TXLNA: variants seen among roughly 807,000 people sequenced by gnomAD.
TXLNA encodes the protein taxilin alpha.
TXLNA carries 9 observed loss-of-function variants against 61.4 expected under a neutral mutation model. That is an observed-to-expected ratio of 0.15 (90% CI 0.09 to 0.26). The LOEUF is 0.26. Among genes scored for constraint, TXLNA ranks in the 10% least tolerant of loss-of-function variants. The pLI is 1.00. For synonymous variants in TXLNA, 257 were observed against 267.7 expected, an observed-to-expected ratio of 0.96 and a Z score of 0.39; for missense variants, 565 against 688.8, an observed-to-expected ratio of 0.82 and a Z score of 2.01.
Position 32,181,271 on chromosome 1 carries a change from G to T in TXLNA, c.199G>T (p.Ala67Ser). 1 of 1,607,174 alleles carries T rather than the reference G, an allele frequency of 6.2e-7. No homozygotes were observed. ...GAQARTAQSG[A>S]LRDVSEELSR... Reference sequence around the variant, plus strand: ...TCAAGCCAGAACGGCTCAGTCTGGGGCCCTTCGTGATGTCTCTGAGGAGCT... The same window carrying T: ...TCAAGCCAGAACGGCTCAGTCTGGGTCCCTTCGTGATGTCTCTGAGGAGCT... Residue 67 changes from alanine to serine, a missense_variant, in exon 3 of 11, where the codon GCC (alanine) becomes TCC (serine). Physicochemically the swap from Ala to Ser is moderately conservative, Grantham distance 99. Transcript: ENST00000373610.
chr1:32,183,033 C>T (rs1642700510), intron 3 of TXLNA, among the ~76,000 whole-genome samples: 1 of 149,930 alleles, frequency 6.7e-6, no homozygotes, highest in Non-Finnish European at 1.5e-5. Flanking sequence ...TGCCATTGCA[C>T]TCCAGCCTGG....
intron 6 of TXLNA, among the ~76,000 whole-genome samples, chr1:32,191,093 C>CAAAAAAAAAAAAA (rs1159645218): frequency 1.7e-5 from 1 of 58,672 alleles, no homozygotes; most frequent in African/African-American, 6.5e-5. Flanking sequence ...GACTCCATCT[C>CAAAAAAAAAAAAA]AAAAAAAAAA....
Position 32,193,287 on chromosome 1 carries a change from A to G in TXLNA, c.1238A>G (p.Gln413Arg). The G allele has an allele frequency of 1.2e-6, 2 of 1,613,172 alleles. No homozygotes were observed. Among genetic ancestry groups the G allele is most frequent in the Non-Finnish European group, 1.7e-6 (2 of 1,179,406 alleles). The stretch of plus-strand genomic sequence containing the variant: ...AGCGAGGTATTCACCACATTCAAGC[A>G]GGAGATGGAAAAGGTAACTGTGGTC... Reference protein sequence around the residue: ...KSSEVFTTFKQEMEKMTKKIK... With the variant: ...KSSEVFTTFKREMEKMTKKIK... The change falls in exon 9 of 11, where the codon CAG (glutamine) becomes CGG (arginine). Residue 413 changes from glutamine to arginine, a missense_variant. Around this residue, in one of 2 missense-constraint regions of TXLNA, gnomAD observed 373 missense variants for 504.0 expected, o/e 0.74. Coordinates refer to ENST00000373610, the MANE Select transcript of TXLNA (RefSeq NM_175852.4).
Position 32,184,570 on chromosome 1 carries a change from C to A in TXLNA, c.551C>A (p.Thr184Asn), listed in dbSNP as rs989291519. The change falls in exon 4 of 11, where the codon ACC becomes AAC. Residue 184 changes from threonine to asparagine, a missense_variant. Physicochemically the swap from Thr to Asn is moderately conservative, Grantham distance 65 (BLOSUM62 0). Coordinates refer to ENST00000373610, the MANE Select transcript of TXLNA (RefSeq NM_175852.4). ...ATGCAGACATTGAATACTCTGAGTA[C>A]CCCAGAGGAGAAGCTGGCTGCTCTG... ...LLMQTLNTLS[T>N]PEEKLAALCK... is the part of the protein sequence containing the mutation. 7.4e-6 allele frequency: 12 copies of A among 1,613,586 alleles called. No individual in the cohort carries two copies. The highest frequency in any genetic ancestry group is 5.0e-5 in the Admixed American group (3 of 59,984).
intron 3 of TXLNA, among the ~76,000 whole-genome samples, chr1:32,184,150 G>T (rs1262456867): frequency 1.3e-5 from 2 of 152,170 alleles, no homozygotes; most frequent in Non-Finnish European, 1.5e-5. Context: ...CTATCAGGAG[G>T]GTGGGCCTTC....
chr1:32,194,630 T>G (rs183033876), intron 10 of TXLNA, among the ~76,000 whole-genome samples: 57 of 152,272 alleles, frequency 3.7e-4, no homozygotes, highest in Admixed American at 2.6e-3. Flanking sequence ...AGTCCTGTTT[T>G]ATAGATGAGA....
Position 32,194,929 on chromosome 1 carries a change from G to T in TXLNA, c.1375G>T (p.Gly459Cys). 6.2e-7 allele frequency: 1 copy of T among 1,613,470 alleles called. No individual in the cohort carries two copies. Among genetic ancestry groups the T allele is most frequent in the Non-Finnish European group, 8.5e-7 (1 of 1,179,738 alleles). The change falls in exon 11 of 11, where the codon GGC becomes TGC. Residue 459 changes from glycine to cysteine, a missense_variant. Transcript: ENST00000373610. ...EKTVRDKELEGLQVKIQRLEK... is the reference protein window; with the variant it reads ...EKTVRDKELECLQVKIQRLEK... The stretch of plus-strand genomic sequence containing the variant: ...AACAGTCCGGGATAAAGAACTGGAG[G>T]GCCTGCAGGTAAAAATCCAACGGCT...
Position 32,195,253 on chromosome 1 carries a change from A to G in TXLNA, c.*58A>G. ...GCGGCAGCCCAGCCAGGCCTGGCCCATAAAAGGCTCCCATGCTGAGCAGCC... is the reference window on the plus strand; with the variant it reads ...GCGGCAGCCCAGCCAGGCCTGGCCCGTAAAAGGCTCCCATGCTGAGCAGCC... On this transcript the variant is annotated 3_prime_UTR_variant, in exon 11 of 11. Coordinates refer to ENST00000373610, the MANE Select transcript of TXLNA (RefSeq NM_175852.4). 2.0e-6 allele frequency: 3 copies of G among 1,502,548 alleles called. No homozygotes were observed. The highest frequency in any genetic ancestry group is 2.7e-6 in the Non-Finnish European group (3 of 1,126,350). 93.1% of individuals were successfully genotyped at this position (1,502,548 alleles called of 1,614,324 possible).
chr1:32,184,199 A>G (rs886966390), intron 3 of TXLNA, among the ~76,000 whole-genome samples: 1 of 152,214 alleles, frequency 6.6e-6, no homozygotes, highest in Non-Finnish European at 1.5e-5. Flanking sequence ...CCCTGAATTC[A>G]TAAGTGGGAC....
Position 32,195,589 on chromosome 1 carries a change from G to A in TXLNA, c.*394G>A, listed in dbSNP as rs1364454283. ...CCCCTCCCTGCCCTTCAGAGCTCAAGACAAGTAATACACCCAGGTCTTGAC... is the reference window on the plus strand; with the variant it reads ...CCCCTCCCTGCCCTTCAGAGCTCAAAACAAGTAATACACCCAGGTCTTGAC... On this transcript the variant is annotated 3_prime_UTR_variant, in exon 11 of 11. Transcript: ENST00000373610. 2 of 392,518 alleles carry A rather than the reference G, an allele frequency of 5.1e-6. No homozygotes were observed. Among genetic ancestry groups the A allele is most frequent in the Admixed American group, 7.1e-5 (2 of 28,012 alleles). The allele number at this position is 392,518 out of a possible 1,614,324, so 24.3% of individuals were successfully genotyped here.
intron 4 of TXLNA, among the ~76,000 whole-genome samples, chr1:32,186,299 G>A (rs180961664): frequency 2.0e-5 from 3 of 152,288 alleles, no homozygotes; most frequent in Admixed American, 2.0e-4. Context: ...CTGTGTGACT[G>A]GAGGAGAGGA....
At chr1:32,181,885 C>T (rs1642670764) in intron 3 of TXLNA, among the ~76,000 whole-genome samples, 1 of 152,112 alleles carries the variant, frequency 6.6e-6, no homozygotes, top group Non-Finnish European at 1.5e-5. Flanking sequence ...TGCTGTGTGA[C>T]CTTGGGTGTG....
intron 4 of TXLNA, among the ~76,000 whole-genome samples, chr1:32,187,469 T>C (rs1363076535): frequency 6.6e-6 from 1 of 152,158 alleles, no homozygotes; most frequent in Non-Finnish European, 1.5e-5. Context: ...TATCTGTTGA[T>C]ACTGAAGTGG....
intron 5 of TXLNA, among the ~76,000 whole-genome samples, chr1:32,189,040 T>C (rs1642848694): frequency 6.6e-6 from 1 of 152,250 alleles, no homozygotes; most frequent in Non-Finnish European, 1.5e-5. Flanking sequence ...CCTGTGCCTT[T>C]TTTTCACTTT....
At position 32,196,771 on chromosome 1, in the gene TXLNA, C is replaced by G. The variant is rs1279175617; in HGVS notation, c.*1576C>G. On this transcript the variant is annotated 3_prime_UTR_variant, in exon 11 of 11. Coordinates refer to ENST00000373610, the MANE Select transcript of TXLNA (RefSeq NM_175852.4). ...AGGTCCCTTCATCTTCCATACCTAG[C>G]CCACTCTTTTAGCCCTTACCTTAAA... The G allele has an allele frequency of 6.6e-6, 1 of 152,258 alleles. No individual in the cohort carries two copies. The highest frequency in any genetic ancestry group is 2.4e-5 in the African/African-American group (1 of 41,454). 9.4% of individuals were successfully genotyped at this position (152,258 alleles called of 1,614,324 possible).
chr1:32,183,551 C>T (rs761628422), intron 3 of TXLNA, among the ~76,000 whole-genome samples: 51 of 143,996 alleles, frequency 3.5e-4, no homozygotes, highest in Admixed American at 4.8e-4. Context: ...CTCAGCCTCC[C>T]GAGTAGCTGG....
In TXLNA at chr1:32,198,163, G is replaced by C. The variant is rs549503397; in HGVS notation, c.*2968G>C. On this transcript the variant is annotated 3_prime_UTR_variant, in exon 11 of 11. Coordinates refer to ENST00000373610, the MANE Select transcript of TXLNA (RefSeq NM_175852.4). ...AACTGCTTTCCTTATGGCCCAGCCC[G>C]GCCACTCAGACTTGTTTGAAGCTGC... 6.6e-6 allele frequency: 1 copy of C among 152,262 alleles called. No homozygotes were observed. Among genetic ancestry groups the C allele is most frequent in the Non-Finnish European group, 1.5e-5 (1 of 68,066 alleles). 9.4% of individuals were successfully genotyped at this position (152,262 alleles called of 1,614,324 possible). A position where few individuals can be genotyped will look rare whatever the true frequency, so the allele number is the denominator to read the frequency against.
chr1:32,185,900 A>G (rs190077735), intron 4 of TXLNA, among the ~76,000 whole-genome samples: 58 of 110,416 alleles, frequency 5.3e-4, no homozygotes, highest in African/African-American at 1.9e-3. Context: ...GAGTTTCAGT[A>G]TGTTGGCCAG....
chr1:32,183,095 G>A (rs561406758), intron 3 of TXLNA, among the ~76,000 whole-genome samples: 18 of 151,812 alleles, frequency 1.2e-4, no homozygotes, highest in Admixed American at 4.6e-4. Context: ...AAATCTTAAC[G>A]TCACATACAT....
Sources: allele counts gnomAD v4.1 joint callset (sites outside exome capture counted in the v4.1 genomes callset), GRCh38; gene constraint gnomAD v4.1.1; regional missense constraint gnomAD v4.1.1; transcripts MANE v1.5; gene names NCBI Gene and HGNC (gene_info 2026-07-23, HGNC 2026-07-21).